The following PLCB4 variants were observed in gnomAD, a reference collection of about 807,000 sequenced individuals.
PLCB4 encodes the protein phospholipase C beta 4.
PLCB4 carries 77 observed loss-of-function variants against 178.8 expected under a neutral mutation model. The observed-to-expected ratio is 0.43, with a 90% CI of 0.36 to 0.52. The LOEUF (loss-of-function observed/expected upper bound fraction) is 0.52. Among genes scored for constraint, PLCB4 ranks in the 20% least tolerant of loss-of-function variants. The pLI, the probability that PLCB4 is intolerant of heterozygous loss-of-function variation, is 0.00. For synonymous variants in PLCB4, 496 were observed against 490.8 expected (o/e 1.01, Z -0.14); for missense variants, 1,024 against 1,453.4 (o/e 0.70, Z 4.80).
At chr20:9,421,234 A>AT in intron 26 of PLCB4, 63 bp from the exon 27 acceptor site, 2 of 1,276,528 alleles carry the variant, frequency 1.6e-6, no homozygotes, top group Non-Finnish European at 2.2e-6. Flanking sequence ...CTTCCTGATT[A>AT]TTTTTTGCTA....
At position 9,216,511 on chromosome 20, in the gene PLCB4, C is replaced by T. The variant is rs192930362; in HGVS notation, c.-78-879C>T. 1.4e-3 allele frequency among the ~76,000 whole-genome samples: 219 copies of T among 151,230 alleles called. 1 individual carries two copies. The highest frequency in any genetic ancestry group is 5.0e-3 in the African/African-American group (206 of 41,194). On this transcript the variant is annotated intron_variant, in intron 2 of 39. Transcript: ENST00000378473. ...GGATTACAGGCGTGAGCCACTGCGC[C>T]CGGCCTGAGATGGAGTTTTACTCCG...
chr20:9,311,898 G>A (rs1312060021), intron 4 of PLCB4, among the ~76,000 whole-genome samples: 1 of 152,178 alleles, frequency 6.6e-6, no homozygotes, highest in Admixed American at 6.5e-5. Context: ...GCAGCCACAT[G>A]TGGCTGTTCA....
chr20:9,379,747 G>T (rs1195512481), intron 12 of PLCB4, among the ~76,000 whole-genome samples: 1 of 152,060 alleles, frequency 6.6e-6, no homozygotes, highest in Non-Finnish European at 1.5e-5. Flanking sequence ...CTTCCCTGTT[G>T]TGTGGGAACT....
chr20:9,230,228 C>T (rs960903319), intron 3 of PLCB4, among the ~76,000 whole-genome samples: 3 of 152,170 alleles, frequency 2.0e-5, no homozygotes, highest in African/African-American at 7.2e-5. Context: ...CCCACCCCAA[C>T]AGCCTTATTC....
At chr20:9,329,934 A>G (rs958747459) in intron 4 of PLCB4, among the ~76,000 whole-genome samples, 1 of 152,194 alleles carries the variant, frequency 6.6e-6, no homozygotes, top group Non-Finnish European at 1.5e-5. Context: ...ACCCATGCCC[A>G]TCTATTACAT....
At chr20:9,408,267 G>GA (rs1453242837) in intron 22 of PLCB4, among the ~76,000 whole-genome samples, 6 of 152,200 alleles carry the variant, frequency 3.9e-5, no homozygotes, top group Non-Finnish European at 8.8e-5. Flanking sequence ...AGGTGGCGAT[G>GA]AGAGACTATG....
chr20:9,169,992 AC>A (rs1359834806), intron 2 of PLCB4, among the ~76,000 whole-genome samples: 1 of 152,170 alleles, frequency 6.6e-6, no homozygotes. Context: ...AGTTATTCAT[AC>A]GAAATTTCTA....
At chr20:9,152,200 C>T (rs2092703129) in intron 2 of PLCB4, among the ~76,000 whole-genome samples, 1 of 152,096 alleles carries the variant, frequency 6.6e-6, no homozygotes, top group African/African-American at 2.4e-5. Context: ...AAAAGAAAAA[C>T]CCATTTTCTG....
chr20:9,172,777 G>A (rs897457913), intron 2 of PLCB4, among the ~76,000 whole-genome samples: 3 of 152,114 alleles, frequency 2.0e-5, no homozygotes, highest in African/African-American at 7.2e-5. Flanking sequence ...GAATTAACAG[G>A]AGGATTATAT....
Position 9,468,681 on chromosome 20 carries a change from G to T in PLCB4, c.3350+9G>T. The T allele has an allele frequency of 6.7e-7, 1 of 1,501,038 alleles. No homozygotes were observed. The highest frequency in any genetic ancestry group is 1.1e-5 in the South Asian group (1 of 88,732). The allele number at this position is 1,501,038 out of a possible 1,614,324, so 93.0% of individuals were successfully genotyped here. On this transcript the variant is annotated intron_variant, in intron 36 of 39. Transcript: ENST00000378473. The stretch of plus-strand genomic sequence containing the variant: ...AAAGCAGAACGGGAAAGGTAAGTCT[G>T]AGAGTGTTCACTGCAGGAATATGGC...
intron 3 of PLCB4, among the ~76,000 whole-genome samples, chr20:9,243,522 G>C (rs1435888412): frequency 1.3e-5 from 2 of 152,214 alleles, no homozygotes; most frequent in Non-Finnish European, 2.9e-5. Flanking sequence ...AGTTTAGAGA[G>C]GCATTTGCCA....
chr20:9,338,966 G>C lies in PLCB4; in HGVS notation c.298G>C (p.Val100Leu). Residue 100 changes from valine to leucine, a missense_variant, in exon 7 of 40, where the codon GTC becomes CTC. Coordinates refer to ENST00000378473, the MANE Select transcript of PLCB4 (RefSeq NM_001377142.1). ...TGATCTGGAAGGGCGGATAGTTTGT[G>C]TCTGCAGTGGCACAGATCTAGTGAA... ...ENDLEGRIVC[V>L]CSGTDLVNIS... 6.2e-7 allele frequency: 1 copy of C among 1,613,280 alleles called. No homozygotes were observed. Among genetic ancestry groups the C allele is most frequent in the Non-Finnish European group, 8.5e-7 (1 of 1,179,370 alleles).
chr20:9,382,845 T>A (rs970179900), intron 13 of PLCB4, among the ~76,000 whole-genome samples: 3 of 152,208 alleles, frequency 2.0e-5, no homozygotes, highest in African/African-American at 4.8e-5. Flanking sequence ...GTTTCTTCTA[T>A]CACTGCATCT....
intron 33 of PLCB4, among the ~76,000 whole-genome samples, chr20:9,455,017 A>G (rs1291337846): frequency 1.3e-5 from 2 of 152,216 alleles, no homozygotes; most frequent in Non-Finnish European, 2.9e-5. Context: ...TCATGTGGCA[A>G]TATTGGTAGT....
chr20:9,470,596 G>A lies in PLCB4; in HGVS notation c.3350+1924G>A, dbSNP rs1029317028. Among the ~76,000 whole-genome samples the A allele has an allele frequency of 3.9e-5, 6 of 152,184 alleles. No individual in the cohort carries two copies. In the East Asian group the frequency reaches 5.8e-4, roughly 15 times the overall value. On this transcript the variant is annotated intron_variant, in intron 36 of 39. Coordinates refer to ENST00000378473, the MANE Select transcript of PLCB4 (RefSeq NM_001377142.1). ...CAAAGTAGACTTTAGCTCGGTTGAGGTCAAATTATCTTCAATTTGGAGTTA... is the reference window on the plus strand; with the variant it reads ...CAAAGTAGACTTTAGCTCGGTTGAGATCAAATTATCTTCAATTTGGAGTTA...
At chr20:9,306,709 G>C (rs1235464220) in intron 3 of PLCB4, among the ~76,000 whole-genome samples, 1 of 152,022 alleles carries the variant, frequency 6.6e-6, no homozygotes, top group Non-Finnish European at 1.5e-5. Context: ...ACTCATTGTT[G>C]TATGCTCCCC....
At position 9,372,284 on chromosome 20, in the gene PLCB4, A is replaced by G. The variant is rs563684937; in HGVS notation, c.586-19A>G. ...GAAAAACGGTTCTGTGATTCATAAC[A>G]TGATTTTATTCCTTACAGAATGATG... On this transcript the variant is annotated intron_variant, in intron 10 of 39. Coordinates refer to ENST00000378473, the MANE Select transcript of PLCB4 (RefSeq NM_001377142.1). 3 of 1,391,006 alleles carry G rather than the reference A, an allele frequency of 2.2e-6. No individual in the cohort carries two copies. The highest frequency in any genetic ancestry group is 2.4e-5 in the South Asian group (2 of 84,156). The allele number at this position is 1,391,006 out of a possible 1,614,324, so 86.2% of individuals were successfully genotyped here.
intron 3 of PLCB4, among the ~76,000 whole-genome samples, chr20:9,231,840 G>A (rs576910318): frequency 6.6e-6 from 1 of 152,148 alleles, no homozygotes; most frequent in African/African-American, 2.4e-5. Flanking sequence ...TCCACACAAA[G>A]ACTCGTAAAC....
intron 7 of PLCB4, among the ~76,000 whole-genome samples, chr20:9,356,010 C>T (rs2034782670): frequency 6.6e-6 from 1 of 152,292 alleles, no homozygotes; most frequent in African/African-American, 2.4e-5. Context: ...GAGATGGTAT[C>T]TCATTGTGGT....
Sources: gnomAD v4.1 joint callset for allele counts (sites outside exome capture counted in the v4.1 genomes callset) on GRCh38, gnomAD v4.1.1 for gene constraint, MANE v1.5 for transcripts, NCBI Gene and HGNC (gene_info 2026-07-23, HGNC 2026-07-21) for gene names.